TARS1: variants seen among roughly 807,000 people sequenced by gnomAD.
TARS1 encodes the protein threonine--tRNA ligase 1, cytoplasmic.
A neutral mutation model predicts 97.7 loss-of-function variants in TARS1; 57 were observed. That is an observed-to-expected ratio of 0.58 (90% confidence interval 0.47 to 0.73). The LOEUF is 0.73. TARS1 is among the 30% of genes least tolerant of loss of function. TARS1 has a pLI of 0.00. For synonymous variants in TARS1, 312 were observed against 293.7 expected, an observed-to-expected ratio of 1.06 and a Z score of -0.64; for missense variants, 806 against 888.3, an observed-to-expected ratio of 0.91 and a Z score of 1.18.
chr5:33,445,464 T>C lies in TARS1; in HGVS notation c.138+60T>C, dbSNP rs1741367567. 11 of 1,434,600 alleles carry C rather than the reference T, an allele frequency of 7.7e-6. No homozygotes were observed. In the East Asian group the frequency reaches 2.1e-4, roughly 27 times the overall value. The allele number at this position is 1,434,600 out of a possible 1,614,324, so 88.9% of individuals were successfully genotyped here. A position where few individuals can be genotyped will look rare whatever the true frequency, so the allele number is the denominator to read the frequency against. ...GAGGTTGGCAAATCGCAGGGAACTT[T>C]CTGAGACTTTCCTAATGTGTAAGGG... On this transcript the variant is annotated intron_variant, in intron 2 of 18. Transcript: ENST00000265112.
Position 33,448,968 on chromosome 5 carries a change from A to G in TARS1, c.329+237A>G, listed in dbSNP as rs183225625. Among the ~76,000 whole-genome samples, 17 of 152,280 alleles carry G rather than the reference A, an allele frequency of 1.1e-4. No homozygotes were observed. In the East Asian group the frequency reaches 1.3e-3, roughly 12 times the overall value. Reference sequence around the variant, plus strand: ...TTGGTCTTATCTTTTGGGGCATTGTATATTTTTAGTCTTACTATGATTATA... The same window carrying G: ...TTGGTCTTATCTTTTGGGGCATTGTGTATTTTTAGTCTTACTATGATTATA... On this transcript the variant is annotated intron_variant, in intron 3 of 18. Coordinates refer to ENST00000265112, the MANE Select transcript of TARS1 (RefSeq NM_152295.5).
intron 10 of TARS1, among the ~76,000 whole-genome samples, chr5:33,459,263 C>T (rs1742177323): frequency 6.6e-6 from 1 of 152,104 alleles, no homozygotes; most frequent in African/African-American, 2.4e-5. Flanking sequence ...GTCCATGTTA[C>T]TTATATCTAG....
chr5:33,446,225 G>A (rs910785768), intron 2 of TARS1: 2 of 157,138 alleles, frequency 1.3e-5, no homozygotes, highest in African/African-American at 4.8e-5. Context: ...TTACTTTAGG[G>A]TAAGTTTATA....
rs1269191536 is a variant in TARS1 at position 33,443,310 on chromosome 5, TCTCTCTCTCC to T, written c.58-2004_58-1995del. Among the ~76,000 whole-genome samples the T allele has an allele frequency of 2.4e-3, 310 of 131,412 alleles. 5 individuals carry two copies. Among genetic ancestry groups the T allele is most frequent in the Admixed American group, 5.4e-3 (69 of 12,850 alleles). The allele number at this position is 131,412 out of a possible 152,430, so 86.2% of individuals were successfully genotyped here. The stretch of plus-strand genomic sequence containing the variant: ...AGAAAACCTTTGTGGTGATTCCCTC[TCTCTCTCTCC>T]CTCTCTCTCTCTCTCTCTCTCTCTC... On this transcript the variant is annotated intron_variant, in intron 1 of 18. Transcript: ENST00000265112.
intron 3 of TARS1, among the ~76,000 whole-genome samples, chr5:33,451,315 C>T (rs146630606): frequency 3.7e-4 from 55 of 149,854 alleles, no homozygotes; most frequent in African/African-American, 1.2e-3. Flanking sequence ...AAGGGAAGGA[C>T]AAAAAAGACA....
In TARS1 at chr5:33,459,726, T is replaced by G; in HGVS notation, c.1115T>G (p.Val372Gly). The stretch of plus-strand genomic sequence containing the variant: ...TATAGGAAAAGAGGATTCCAGGAGG[T>G]AGTCACCCCAAACATCTTCAACAGC... ...SEYRKRGFQE[V>G]VTPNIFNSRL... Residue 372 changes from valine (V) to glycine (G), a missense_variant, in exon 11 of 19, where the codon GTA (valine) becomes GGA (glycine). Physicochemically the swap from Val to Gly is moderately radical, Grantham distance 109. Around this residue, in one of 3 missense-constraint regions of TARS1, gnomAD observed 446 missense variants for 511.0 expected, o/e 0.87. Coordinates refer to ENST00000265112, the MANE Select transcript of TARS1 (RefSeq NM_152295.5). 6.2e-7 allele frequency: 1 copy of G among 1,614,112 alleles called. No individual in the cohort carries two copies. The highest frequency in any genetic ancestry group is 8.5e-7 in the Non-Finnish European group (1 of 1,180,014).
At position 33,448,578 on chromosome 5, in the gene TARS1, A is replaced by G. The variant is rs771686736; in HGVS notation, c.176A>G (p.Glu59Gly). The change falls in exon 3 of 19, where the codon GAG becomes GGG. Residue 59 changes from glutamate to glycine, a missense_variant. By Grantham distance (98) the Glu-to-Gly change is moderately conservative. Transcript: ENST00000265112. ...PWPEYIYTRL[E>G]MYNILKAEHD... ...CCTGAATATATTTACACACGTCTTG[A>G]GATGTATAATATACTAAAAGCAGAA... is the stretch of plus-strand genomic sequence containing the variant. The G allele has an allele frequency of 1.9e-6, 3 of 1,609,914 alleles. No homozygotes were observed. Among genetic ancestry groups the G allele is most frequent in the South Asian group, 1.1e-5 (1 of 90,360 alleles).
intron 2 of TARS1, 79 bp downstream of exon 2, chr5:33,445,483 G>A (rs1741368643): frequency 8.1e-7 from 1 of 1,231,962 alleles, no homozygotes. Flanking sequence ...TTCCTAATGT[G>A]TAAGGGTTCT....
At position 33,462,175 on chromosome 5, in the gene TARS1, A is replaced by G. The variant is rs1742325600; in HGVS notation, c.1807A>G (p.Ile603Val). Residue 603 changes from isoleucine to valine, a missense_variant, in exon 16 of 19, where the codon ATC becomes GTC. By Grantham distance (29) the Ile-to-Val change is conservative. Around this residue, in one of 3 missense-constraint regions of TARS1, gnomAD observed 446 missense variants for 511.0 expected, o/e 0.87. Transcript: ENST00000265112. The stretch of plus-strand genomic sequence containing the variant: ...GGGATCAGTGGAAAGAATGATTGCT[A>G]TCCTCACAGAAAACTATGGGGGCAA... ...ILGSVERMIA[I>V]LTENYGGKWP... 2 of 1,612,628 alleles carry G rather than the reference A, an allele frequency of 1.2e-6. No individual in the cohort carries two copies. The highest frequency in any genetic ancestry group is 2.2e-5 in the East Asian group (1 of 44,858).
At position 33,467,846 on chromosome 5, in the gene TARS1, T is replaced by A; in HGVS notation, c.*138T>A. ...GTCTGAATAGGTCAACCTGCAGGCG[T>A]AACTATTTTTGACCTAGTCAGTTTT... On this transcript the variant is annotated 3_prime_UTR_variant, in exon 19 of 19. Transcript: ENST00000265112. The A allele has an allele frequency of 1.2e-6, 1 of 847,942 alleles. No individual in the cohort carries two copies. The highest frequency in any genetic ancestry group is 1.7e-6 in the Non-Finnish European group (1 of 578,402). 52.5% of individuals were successfully genotyped at this position (847,942 alleles called of 1,614,324 possible).
intron 3 of TARS1, among the ~76,000 whole-genome samples, chr5:33,449,445 CTTT>C (rs57691465): frequency 1.4e-5 from 1 of 69,160 alleles, no homozygotes; most frequent in Non-Finnish European, 2.6e-5. Context: ...TTTTTTCTTT[CTTT>C]TTTTTTTTTT....
In TARS1 at chr5:33,462,104, A is replaced by T. The variant is rs1742321908; in HGVS notation, c.1736A>T (p.Asp579Val). The change falls in exon 16 of 19, where the codon GAT becomes GTT. Residue 579 changes from aspartate (D) to valine (V), a missense_variant. By Grantham distance (152) the Asp-to-Val change is radical. Coordinates refer to ENST00000265112, the MANE Select transcript of TARS1 (RefSeq NM_152295.5). Reference sequence around the variant, plus strand: ...AATTTTTTTTTTCTTTATAGCCATGATGGTGATGATAAGAAAAGGCCAGTG... The same window carrying T: ...AATTTTTTTTTTCTTTATAGCCATGTTGGTGATGATAAGAAAAGGCCAGTG... ...IRFNLTYVSH[D>V]GDDKKRPVIV... 6.2e-7 allele frequency: 1 copy of T among 1,611,550 alleles called. No individual in the cohort carries two copies.
chr5:33,459,722 G>C lies in TARS1; in HGVS notation c.1111G>C (p.Glu371Gln). 6.2e-7 allele frequency: 1 copy of C among 1,614,132 alleles called. No individual in the cohort carries two copies. Among genetic ancestry groups the C allele is most frequent in the East Asian group, 2.2e-5 (1 of 44,874 alleles). Reference protein sequence around the residue: ...RSEYRKRGFQEVVTPNIFNSR... With the variant: ...RSEYRKRGFQQVVTPNIFNSR... Reference sequence around the variant, plus strand: ...CGAATATAGGAAAAGAGGATTCCAGGAGGTAGTCACCCCAAACATCTTCAA... The same window carrying C: ...CGAATATAGGAAAAGAGGATTCCAGCAGGTAGTCACCCCAAACATCTTCAA... Residue 371 changes from glutamate (E) to glutamine (Q), a missense_variant, in exon 11 of 19, where the codon GAG becomes CAG. By Grantham distance (29) the Glu-to-Gln change is conservative (BLOSUM62 2). Around this residue, in one of 3 missense-constraint regions of TARS1, gnomAD observed 446 missense variants for 511.0 expected, o/e 0.87. Coordinates refer to ENST00000265112, the MANE Select transcript of TARS1 (RefSeq NM_152295.5).
intron 3 of TARS1, among the ~76,000 whole-genome samples, chr5:33,449,452 T>C (rs1428115819): frequency 1.7e-5 from 2 of 118,904 alleles, no homozygotes; most frequent in Non-Finnish European, 3.4e-5. Flanking sequence ...TTTCTTTTTT[T>C]TTTTTTTTTT....
chr5:33,455,439 G>T, intron 5 of TARS1, 148 bp from the exon 6 acceptor site: 1 of 532,980 alleles, frequency 1.9e-6, no homozygotes. Flanking sequence ...AAAATGTTTT[G>T]TTTAGAATTC....
rs1451597069 is a variant in TARS1 at position 33,463,808 on chromosome 5, G to C, written c.1891G>C (p.Asp631His). The C allele has an allele frequency of 6.2e-7, 1 of 1,612,098 alleles. No homozygotes were observed. Among genetic ancestry groups the C allele is most frequent in the Admixed American group, 1.7e-5 (1 of 59,844 alleles). ...VMVVPVGPTC[D>H]EYAQKVRQQF... ...GGTAGTTCCAGTGGGACCAACCTGT[G>C]ATGAATATGCCCAAAAGGTAAGCCT... Residue 631 changes from aspartate to histidine, a missense_variant, in exon 17 of 19, where the codon GAT becomes CAT. Coordinates refer to ENST00000265112, the MANE Select transcript of TARS1 (RefSeq NM_152295.5).
intron 4 of TARS1, among the ~76,000 whole-genome samples, chr5:33,454,463 A>C (rs1026761018): frequency 1.2e-4 from 18 of 152,122 alleles, no homozygotes; most frequent in Non-Finnish European, 2.4e-4. Context: ...GTGTTTTGTC[A>C]TTGTGTTGTG....
At chr5:33,451,585 G>A (rs1350111491) in intron 3 of TARS1, among the ~76,000 whole-genome samples, 2 of 152,150 alleles carry the variant, frequency 1.3e-5, no homozygotes, top group African/African-American at 4.8e-5. Context: ...GTGTTAGCCA[G>A]GATGGTCTTG....
At chr5:33,462,343 A>G in intron 16 of TARS1, 140 bp downstream of exon 16, 1 of 747,388 alleles carries the variant, frequency 1.3e-6, no homozygotes, top group Non-Finnish European at 2.2e-6. Flanking sequence ...GTTCATTAAA[A>G]AATAAGGAAT....
Sources: allele counts gnomAD v4.1 joint callset (sites outside exome capture counted in the v4.1 genomes callset), GRCh38; gene constraint gnomAD v4.1.1; regional missense constraint gnomAD v4.1.1; transcripts MANE v1.5; gene names NCBI Gene and HGNC (gene_info 2026-07-23, HGNC 2026-07-21).